Variants in SEZ6L observed in about 807,000 individuals in gnomAD.
SEZ6L encodes seizure related 6 homolog like, also known as seizure 6-like protein.
In SEZ6L, 37 loss-of-function variants were observed where a neutral mutation model predicts 106.2. That is an observed-to-expected ratio of 0.35 (90% CI 0.27 to 0.46). The LOEUF (loss-of-function observed/expected upper bound fraction) is 0.46, where lower values mean the gene tolerates loss of function less well. Ranked by LOEUF, SEZ6L falls within the 20% of genes least tolerant of loss-of-function variation. The probability of loss-of-function intolerance (pLI) is 1.00; values close to 1 mark genes in which losing one functional copy is unlikely to be tolerated. For synonymous variants in SEZ6L, 541 were observed against 570.4 expected (o/e 0.95, Z 0.73); for missense variants, 1,172 against 1,332.8 (o/e 0.88, Z 1.88).
At position 26,292,782 on chromosome 22, in the gene SEZ6L, C is replaced by G. The variant is rs1366277411; in HGVS notation, c.471C>G (p.Leu157=). 6.2e-7 allele frequency: 1 copy of G among 1,614,122 alleles called. No homozygotes were observed. Among genetic ancestry groups the G allele is most frequent in the Admixed American group, 1.7e-5 (1 of 60,026 alleles). The part of the protein sequence containing the change: ...SQPASQGLDL[L]SSSTEKPGPP... ...CAGCGTCCCAGGGCCTAGATCTCCT[C>G]TCCTCCTCCACGGAGAAGCCTGGCC... Residue 157 remains leucine (L), a synonymous_variant, in exon 2 of 17, where the codon CTC becomes CTG. Transcript: ENST00000248933.
At chr22:26,236,535 T>C (rs148947848) in intron 1 of SEZ6L, among the ~76,000 whole-genome samples, 191 of 152,322 alleles carry the variant, frequency 1.3e-3, no homozygotes, top group Non-Finnish European at 2.5e-3. Flanking sequence ...GCCTGTGGAC[T>C]TGATTGATTG....
At chr22:26,182,239 G>A (rs1439119540) in intron 1 of SEZ6L, among the ~76,000 whole-genome samples, 1 of 152,194 alleles carries the variant, frequency 6.6e-6, no homozygotes, top group Non-Finnish European at 1.5e-5. Context: ...CTTCCTTGCA[G>A]ACTAGAAACT....
intron 1 of SEZ6L, among the ~76,000 whole-genome samples, chr22:26,272,683 A>T (rs761129728): frequency 1.3e-5 from 2 of 152,144 alleles, no homozygotes; most frequent in African/African-American, 4.8e-5. Context: ...GTTTGTAGTG[A>T]GTGTTTGTTG....
intron 10 of SEZ6L, among the ~76,000 whole-genome samples, chr22:26,342,109 GA>G (rs2082855694): frequency 6.6e-6 from 1 of 152,214 alleles, no homozygotes; most frequent in Non-Finnish European, 1.5e-5. Context: ...GGCAGCAGCG[GA>G]GAACCTGGGA....
intron 7 of SEZ6L, 32 bp from the exon 8 acceptor site, chr22:26,311,736 T>C (rs200897719): frequency 7.1e-5 from 114 of 1,595,902 alleles, no homozygotes; most frequent in Non-Finnish European, 4.3e-6. Context: ...CCCTGCATCA[T>C]CTGAACTGCT....
intron 12 of SEZ6L, among the ~76,000 whole-genome samples, chr22:26,355,543 A>G (rs1221356879): frequency 2.0e-5 from 3 of 152,202 alleles, no homozygotes; most frequent in Non-Finnish European, 2.9e-5. Context: ...AGTGTGGCCA[A>G]CATGGTGAAA....
At chr22:26,201,258 C>T (rs929800457) in intron 1 of SEZ6L, among the ~76,000 whole-genome samples, 3 of 151,972 alleles carry the variant, frequency 2.0e-5, no homozygotes, top group Non-Finnish European at 4.4e-5. Flanking sequence ...CGGTGGCTTA[C>T]GCCTGTAATC....
At chr22:26,277,217 G>A (rs1363720091) in intron 1 of SEZ6L, among the ~76,000 whole-genome samples, 2 of 151,342 alleles carry the variant, frequency 1.3e-5, no homozygotes, top group Non-Finnish European at 2.9e-5. Flanking sequence ...TCCCACCTTG[G>A]TCTCCCAAAG....
At chr22:26,338,338 G>T (rs1258444455) in intron 9 of SEZ6L, among the ~76,000 whole-genome samples, 1 of 152,108 alleles carries the variant, frequency 6.6e-6, no homozygotes, top group East Asian at 1.9e-4. Flanking sequence ...ATTCTTTCAG[G>T]AACCATGGTC....
intron 1 of SEZ6L, among the ~76,000 whole-genome samples, chr22:26,227,856 T>C (rs1176023343): frequency 6.6e-6 from 1 of 152,232 alleles, no homozygotes; most frequent in African/African-American, 2.4e-5. Flanking sequence ...CCTCCAGGAC[T>C]GGGCTGCTCA....
In SEZ6L at chr22:26,299,071, T is replaced by G; in HGVS notation, c.1250T>G (p.Phe417Cys). ...MDLHSGGVAHFHCHLGYELQG... is the reference protein window; with the variant it reads ...MDLHSGGVAHCHCHLGYELQG... Reference sequence around the variant, plus strand: ...CTGCACTCAGGTGGGGTGGCCCACTTTCACTGCCACCTGGGCTATGAGCTC... The same window carrying G: ...CTGCACTCAGGTGGGGTGGCCCACTGTCACTGCCACCTGGGCTATGAGCTC... The change falls in exon 5 of 17, where the codon TTT becomes TGT. Residue 417 changes from phenylalanine (F) to cysteine (C), a missense_variant. Transcript: ENST00000248933. The G allele has an allele frequency of 6.2e-7, 1 of 1,608,634 alleles. No homozygotes were observed. The highest frequency in any genetic ancestry group is 8.5e-7 in the Non-Finnish European group (1 of 1,177,678).
chr22:26,191,589 G>T (rs148093141), intron 1 of SEZ6L, among the ~76,000 whole-genome samples: 8 of 147,650 alleles, frequency 5.4e-5, no homozygotes, highest in African/African-American at 2.0e-4. Flanking sequence ...CTGTTGGAGG[G>T]TTGGGGGGTG....
At chr22:26,336,703 G>T (rs1356872196) in intron 9 of SEZ6L, among the ~76,000 whole-genome samples, 1 of 152,114 alleles carries the variant, frequency 6.6e-6, no homozygotes, top group African/African-American at 2.4e-5. Flanking sequence ...TTGACATTTT[G>T]GACTAGATAC....
chr22:26,244,934 A>T (rs4822696), intron 1 of SEZ6L, among the ~76,000 whole-genome samples: 39,492 of 152,092 alleles, frequency 0.26, 5,541 homozygotes, highest in East Asian at 0.37. Context: ...TTGCTCCTTC[A>T]GCAATGGGGA....
At chr22:26,348,545 G>C (rs1356913360) in intron 11 of SEZ6L, among the ~76,000 whole-genome samples, 1 of 68,598 alleles carries the variant, frequency 1.5e-5, no homozygotes, top group Non-Finnish European at 2.8e-5. Context: ...AAGGAAGGAA[G>C]GAAGGAAGGA....
At position 26,263,346 on chromosome 22, in the gene SEZ6L, C is replaced by T. The variant is rs572781604; in HGVS notation, c.95-29060C>T. Among the ~76,000 whole-genome samples, 84 of 152,308 alleles carry T rather than the reference C, an allele frequency of 5.5e-4. 1 individual carries two copies. The Middle Eastern group carries it at 0.01, about 19-fold the overall frequency. On this transcript the variant is annotated intron_variant, in intron 1 of 16. Coordinates refer to ENST00000248933, the MANE Select transcript of SEZ6L (RefSeq NM_021115.5). ...CCCCCACCCGTCAGGGTGCATGTGA[C>T]GGCTAATGGAGATATGCAAGTGCGC... is the stretch of plus-strand genomic sequence containing the variant.
intron 1 of SEZ6L, among the ~76,000 whole-genome samples, chr22:26,274,444 AT>A (rs773949176): frequency 6.6e-6 from 1 of 152,200 alleles, no homozygotes; most frequent in Non-Finnish European, 1.5e-5. Flanking sequence ...CACCACCATC[AT>A]CATCAAAGAT....
chr22:26,289,522 C>G (rs548340295), intron 1 of SEZ6L, among the ~76,000 whole-genome samples: 1 of 152,180 alleles, frequency 6.6e-6, no homozygotes, highest in Non-Finnish European at 1.5e-5. Context: ...CTTCACTACT[C>G]CCCACCTTGG....
intron 1 of SEZ6L, among the ~76,000 whole-genome samples, chr22:26,233,120 A>G (rs1288005689): frequency 1.3e-5 from 2 of 152,258 alleles, no homozygotes; most frequent in African/African-American, 2.4e-5. Flanking sequence ...GTTTTCTCTC[A>G]CAGCAATCGT....
Sources: gnomAD v4.1 joint callset for allele counts (sites outside exome capture counted in the v4.1 genomes callset) on GRCh38, gnomAD v4.1.1 for gene constraint, MANE v1.5 for transcripts, NCBI Gene and HGNC (gene_info 2026-07-23, HGNC 2026-07-21) for gene names.